Variants in ACE observed in about 807,000 individuals in gnomAD.
The protein encoded by ACE is angiotensin I converting enzyme.
A neutral mutation model predicts 162.3 loss-of-function variants in ACE; 122 were observed. The observed-to-expected ratio is 0.75, with a 90% CI of 0.65 to 0.87. The LOEUF (loss-of-function observed/expected upper bound fraction) is 0.87. Ranked by LOEUF, ACE falls within the 40% of genes least tolerant of loss-of-function variation. The probability of loss-of-function intolerance (pLI) is 0.00; values close to 1 mark genes in which losing one functional copy is unlikely to be tolerated. For missense variants in ACE, 1,799 were observed against 1,735.1 expected (o/e 1.04, Z -0.65); for synonymous variants, 796 against 720.6 (o/e 1.10, Z -1.68).
chr17:63,477,812 A>G, intron 1 of ACE, 119 bp from the exon 2 acceptor site: 2 of 1,291,974 alleles, frequency 1.5e-6, no homozygotes, highest in South Asian at 1.3e-5. Flanking sequence ...GGATCTCCCC[A>G]GGGCCCGGGC....
Position 63,497,766 on chromosome 17 carries a change from A to C in ACE, c.*400A>C, listed in dbSNP as rs2147582735. On this transcript the variant is annotated 3_prime_UTR_variant, in exon 25 of 25. Transcript: ENST00000290866. Reference sequence around the variant, plus strand: ...AGGATCCCCAGAGCTCTGCCCCAGCACCTCCTGGCGCTGGCGCCTGTCTTC... The same window carrying C: ...AGGATCCCCAGAGCTCTGCCCCAGCCCCTCCTGGCGCTGGCGCCTGTCTTC... 5.2e-6 allele frequency: 2 copies of C among 381,874 alleles called. No individual in the cohort carries two copies. Among genetic ancestry groups the C allele is most frequent in the Non-Finnish European group, 5.0e-6 (1 of 199,260 alleles). The allele number at this position is 381,874 out of a possible 1,614,324, so 23.7% of individuals were successfully genotyped here. A position where few individuals can be genotyped will look rare whatever the true frequency, so the allele number is the denominator to read the frequency against.
In ACE at chr17:63,494,270, C is replaced by T. The variant is rs1192951137; in HGVS notation, c.3282-102C>T. The T allele has an allele frequency of 2.4e-5, 31 of 1,292,736 alleles. No individual in the cohort carries two copies. The South Asian group carries it at 3.6e-4, about 15-fold the overall frequency. 80.1% of individuals were successfully genotyped at this position (1,292,736 alleles called of 1,614,324 possible). A position where few individuals can be genotyped will look rare whatever the true frequency, so the allele number is the denominator to read the frequency against. The stretch of plus-strand genomic sequence containing the variant: ...CCAGCACGCAGGAGAATGGGGTGCC[C>T]AGTATAGCCCCAAGTGCAGGGACCC... On this transcript the variant is annotated intron_variant, in intron 21 of 24. Coordinates refer to ENST00000290866, the MANE Select transcript of ACE (RefSeq NM_000789.4).
chr17:63,483,627 C>A, intron 10 of ACE, 69 bp downstream of exon 10: 1 of 1,323,748 alleles, frequency 7.6e-7, no homozygotes, highest in Non-Finnish European at 1.0e-6. Flanking sequence ...CTCCTGTGAT[C>A]CTAGCTGCCT....
intron 15 of ACE, among the ~76,000 whole-genome samples, chr17:63,488,390 G>A (rs1215511830): frequency 6.7e-6 from 1 of 148,500 alleles, no homozygotes; most frequent in Non-Finnish European, 1.5e-5. Flanking sequence ...AAGGAGAGGA[G>A]AGAGACTCAA....
At chr17:63,494,198 T>C (rs768187414) in intron 21 of ACE, 132 bp downstream of exon 21, 146 of 1,364,294 alleles carry the variant, frequency 1.1e-4, no homozygotes, top group Non-Finnish European at 1.5e-4. Flanking sequence ...GCATATGATG[T>C]GTGTGGTGTA....
rs1284414917 is a variant in ACE, at chr17:63,498,248, C to G, written c.*882C>G. On this transcript the variant is annotated 3_prime_UTR_variant, in exon 25 of 25. Coordinates refer to ENST00000290866, the MANE Select transcript of ACE (RefSeq NM_000789.4). The stretch of plus-strand genomic sequence containing the variant: ...TGGCGTCCCAGCACACACCTCCTCA[C>G]TCCCTGCATTGGAGGGAGTGTCATT... 2.0e-5 allele frequency: 3 copies of G among 152,286 alleles called. No homozygotes were observed. Among genetic ancestry groups the G allele is most frequent in the Non-Finnish European group, 4.4e-5 (3 of 68,066 alleles). The allele number at this position is 152,286 out of a possible 1,614,324, so 9.4% of individuals were successfully genotyped here. A position where few individuals can be genotyped will look rare whatever the true frequency, so the allele number is the denominator to read the frequency against.
Position 63,482,661 on chromosome 17 carries a change from C to A in ACE, c.1314C>A (p.Gly438=), listed in dbSNP as rs779596083. 1.7e-5 allele frequency: 28 copies of A among 1,613,788 alleles called. No individual in the cohort carries two copies. Among genetic ancestry groups the A allele is most frequent in the Admixed American group, 3.3e-5 (2 of 60,008 alleles). ...CTCCTGAACATCTGCACAAAATCGG[C>A]CTGCTGGACCGTGTCACCAATGACA... is the stretch of plus-strand genomic sequence containing the variant. ...VSTPEHLHKI[G]LLDRVTNDTE... is the part of the protein sequence containing the mutation. The change falls in exon 8 of 25, where the codon GGC becomes GGA. Residue 438 remains glycine, a synonymous_variant. Coordinates refer to ENST00000290866, the MANE Select transcript of ACE (RefSeq NM_000789.4).
chr17:63,484,210 AT>A lies in ACE; in HGVS notation c.1710-118del, dbSNP rs2029861836. 1 of 1,307,206 alleles carries A rather than the reference AT, an allele frequency of 7.6e-7. No individual in the cohort carries two copies. The highest frequency in any genetic ancestry group is 2.5e-5 in the East Asian group (1 of 39,508). 81.0% of individuals were successfully genotyped at this position (1,307,206 alleles called of 1,614,324 possible). On this transcript the variant is annotated intron_variant, in intron 11 of 24. Coordinates refer to ENST00000290866, the MANE Select transcript of ACE (RefSeq NM_000789.4). The surrounding 1 kb of genome is among the most constrained non-coding windows in gnomAD (Gnocchi z 4.0). ...GAGAGATCCCAGGCCCCAGGGTCTTATTGCCACAGTTTCTGCAGTCCATTGG... is the reference window on the plus strand; with the variant it reads ...GAGAGATCCCAGGCCCCAGGGTCTTATGCCACAGTTTCTGCAGTCCATTGG...
intron 5 of ACE, 84 bp from the exon 6 acceptor site, chr17:63,481,007 G>A: frequency 1.5e-6 from 2 of 1,371,238 alleles, no homozygotes; most frequent in Non-Finnish European, 2.1e-6. Flanking sequence ...ACAGGTGCCG[G>A]CCCCAGGGTG....
intron 17 of ACE, 40 bp from the exon 18 acceptor site, chr17:63,490,914 T>C (rs759770110): frequency 6.3e-7 from 1 of 1,594,806 alleles, no homozygotes; most frequent in South Asian, 1.1e-5. Flanking sequence ...AAGTAACATT[T>C]GTCTTTCCTC....
rs2030518300 is a variant in ACE at position 63,493,476 on chromosome 17, G to A, written c.2953G>A (p.Val985Met). ...CTTVNLEDLVVAHHEMGHIQY... is the reference protein window; with the variant it reads ...CTTVNLEDLVMAHHEMGHIQY... ...CACCGTGAACTTGGAGGACCTGGTG[G>A]TGGCCCACCACGAAATGGGCCACAT... Residue 985 changes from valine to methionine, a missense_variant, in exon 20 of 25, where the codon GTG becomes ATG. Transcript: ENST00000290866. 2.5e-6 allele frequency: 4 copies of A among 1,613,946 alleles called. No homozygotes were observed. Among genetic ancestry groups the A allele is most frequent in the Non-Finnish European group, 3.4e-6 (4 of 1,180,054 alleles).
In ACE at chr17:63,481,590, CGG is replaced by C; in HGVS notation, c.972_973del (p.Val325GlyfsTer66). The C allele has an allele frequency of 6.2e-7, 1 of 1,613,962 alleles. No homozygotes were observed. The highest frequency in any genetic ancestry group is 8.5e-7 in the Non-Finnish European group (1 of 1,180,030). On this transcript the variant is annotated frameshift_variant, in exon 7 of 25. Coordinates refer to ENST00000290866, the MANE Select transcript of ACE (RefSeq NM_000789.4). LOFTEE classifies it high-confidence loss of function. ...GGGCTGGAACGCCACGCACATGTTC[CGG>C]GTGGCAGAGGAGTTCTTCACCTCCC... Reference protein sequence around the residue: ...QQGWNATHMFRVAEEFFTSLE... With the variant: ...QQGWNATHMFXVAEEFFTSLE...
Position 63,484,705 on chromosome 17 carries a change from A to T in ACE, c.1921+164A>T. 1 of 1,448,988 alleles carries T rather than the reference A, an allele frequency of 6.9e-7. No homozygotes were observed. The highest frequency in any genetic ancestry group is 9.1e-7 in the Non-Finnish European group (1 of 1,102,474). 89.8% of individuals were successfully genotyped at this position (1,448,988 alleles called of 1,614,324 possible). On this transcript the variant is annotated intron_variant, in intron 12 of 24. Transcript: ENST00000290866. This position sits in a 1 kb window ranked among gnomAD's most constrained non-coding sequence, Gnocchi z 4.0. ...TCATCAGCAGGGCCTGCGAGTGGGG[A>T]CAGGCATGTCTTTCCCCCAGCATCC...
At chr17:63,482,201 T>A (rs1215592771) in intron 7 of ACE, among the ~76,000 whole-genome samples, 1 of 151,812 alleles carries the variant, frequency 6.6e-6, no homozygotes, top group Non-Finnish European at 1.5e-5. Flanking sequence ...CTCAGGAGGC[T>A]GAGGCAGGAG....
At chr17:63,481,765 G>T (rs2049714225) in intron 7 of ACE, 27 bp downstream of exon 7, 34 of 1,613,650 alleles carry the variant, frequency 2.1e-5, no homozygotes, top group Non-Finnish European at 2.7e-5. Context: ...AGCACGTTCT[G>T]GGGTTCCCCG....
At position 63,479,898 on chromosome 17, in the gene ACE, C is replaced by T. The variant is rs1354264426; in HGVS notation, c.641C>T (p.Ala214Val). The change falls in exon 4 of 25, where the codon GCC becomes GTC. Residue 214 changes from alanine to valine, a missense_variant. Coordinates refer to ENST00000290866, the MANE Select transcript of ACE (RefSeq NM_000789.4). The stretch of plus-strand genomic sequence containing the variant: ...GATTTCACTGCCCTCAGCAATGAAG[C>T]CTACAAGCAGGACGGTGAGCAGGCC... ...YEDFTALSNE[A>V]YKQDGFTDTG... 2 of 1,611,408 alleles carry T rather than the reference C, an allele frequency of 1.2e-6. No individual in the cohort carries two copies. Among genetic ancestry groups the T allele is most frequent in the Admixed American group, 3.3e-5 (2 of 60,002 alleles).
rs1568050547 is a variant in ACE at position 63,497,990 on chromosome 17, CAG to C, written c.*625_*626del. ...GGCTTCCGGCTGTTATCGGCTGCCT[CAG>C]GGGGCGAGTACCTTGGAGGGCCTGC... On this transcript the variant is annotated 3_prime_UTR_variant, in exon 25 of 25. Transcript: ENST00000290866. 15 of 196,106 alleles carry C rather than the reference CAG, an allele frequency of 7.6e-5. No individual in the cohort carries two copies. The highest frequency in any genetic ancestry group is 3.1e-4 in the African/African-American group (13 of 42,288). 12.1% of individuals were successfully genotyped at this position (196,106 alleles called of 1,614,324 possible).
At position 63,494,479 on chromosome 17, in the gene ACE, A is replaced by C; in HGVS notation, c.3380+9A>C. The stretch of plus-strand genomic sequence containing the variant: ...AGCGTGCCTTACATCAGGTAACGGG[A>C]AAGGCAGGAGGGCACATTGTGAGGG... On this transcript the variant is annotated intron_variant, in intron 22 of 24. Transcript: ENST00000290866. 1.2e-6 allele frequency: 2 copies of C among 1,611,002 alleles called. No homozygotes were observed. The highest frequency in any genetic ancestry group is 1.7e-6 in the Non-Finnish European group (2 of 1,177,644).
In ACE at chr17:63,482,658, C is replaced by T. The variant is rs144657113; in HGVS notation, c.1311C>T (p.Ile437=). ...SVSTPEHLHK[I]GLLDRVTNDT... ...CCACTCCTGAACATCTGCACAAAAT[C>T]GGCCTGCTGGACCGTGTCACCAATG... The change falls in exon 8 of 25, where the codon ATC becomes ATT. Residue 437 remains isoleucine, a synonymous_variant. Coordinates refer to ENST00000290866, the MANE Select transcript of ACE (RefSeq NM_000789.4). 68 of 1,613,924 alleles carry T rather than the reference C, an allele frequency of 4.2e-5. No homozygotes were observed. Among genetic ancestry groups the T allele is most frequent in the Admixed American group, 3.3e-4 (20 of 60,030 alleles).
Sources: allele counts gnomAD v4.1 joint callset (sites outside exome capture counted in the v4.1 genomes callset), GRCh38; gene constraint gnomAD v4.1.1; non-coding constraint Gnocchi (gnomAD v3.1); transcripts MANE v1.5; gene names NCBI Gene and HGNC (gene_info 2026-07-23, HGNC 2026-07-21).